The following NSMCE2 variants were observed in gnomAD, a reference collection of about 807,000 sequenced individuals.
NSMCE2 encodes the protein E3 SUMO-protein ligase NSE2.
In NSMCE2, 24 loss-of-function variants were observed where a neutral mutation model predicts 23.8. The ratio of observed to expected loss-of-function variants is 1.01; its 90% confidence interval spans 0.73 to 1.42. The LOEUF is 1.42. Ranked by LOEUF, NSMCE2 falls within the 40% of genes most tolerant of loss-of-function variation. The probability of loss-of-function intolerance (pLI) is 0.00; values close to 1 mark genes in which losing one functional copy is unlikely to be tolerated. For missense variants in NSMCE2, 284 were observed against 296.5 expected (o/e 0.96, Z 0.31); for synonymous variants, 92 against 94.1 (o/e 0.98, Z 0.13).
intron 5 of NSMCE2, among the ~76,000 whole-genome samples, chr8:125,240,783 A>G (rs1019407436): frequency 6.6e-6 from 1 of 152,004 alleles, no homozygotes; most frequent in Non-Finnish European, 1.5e-5. Context: ...CAACAGTAAT[A>G]TTTCTTAAAT....
chr8:125,357,846 G>A (rs955495932), intron 7 of NSMCE2, 28 bp downstream of exon 7: 5 of 1,449,502 alleles, frequency 3.4e-6, no homozygotes, highest in Non-Finnish European at 4.9e-6. Flanking sequence ...AGGAAGTGGA[G>A]CCTTCCCTAG....
chr8:125,163,815 AAC>A (rs1821742286), intron 4 of NSMCE2, among the ~76,000 whole-genome samples: 1 of 152,228 alleles, frequency 6.6e-6, no homozygotes, highest in East Asian at 1.9e-4. Flanking sequence ...CAAATTCTGG[AAC>A]ACAGTTTCCC....
rs1230532975 is a variant in NSMCE2 at position 125,217,390 on chromosome 8, T to C, written c.418+35134T>C. Among the ~76,000 whole-genome samples, 3 of 152,208 alleles carry C rather than the reference T, an allele frequency of 2.0e-5. No homozygotes were observed. The East Asian group carries it at 5.8e-4, about 29-fold the overall frequency. ...TATTTATTTATTTTGAGATGGAGTC[T>C]TGCTGTGTCACCCAGGCTGAAGTGC... On this transcript the variant is annotated intron_variant, in intron 5 of 7. Transcript: ENST00000287437.
Position 125,094,974 on chromosome 8 carries a change from C to T in NSMCE2, c.-111+3016C>T, listed in dbSNP as rs866987024. On this transcript the variant is annotated intron_variant, in intron 1 of 7. Coordinates refer to ENST00000287437, the MANE Select transcript of NSMCE2 (RefSeq NM_173685.4). ...CTCAAGCGATCCTACCACATCTCCT[C>T]CTGAGGAGCTGGGGCTGCAGGCCCG... 7.9e-5 allele frequency among the ~76,000 whole-genome samples: 12 copies of T among 152,310 alleles called. No individual in the cohort carries two copies. In the South Asian group the frequency reaches 1.4e-3, roughly 18 times the overall value.
At chr8:125,219,479 T>A (rs1292927372) in intron 5 of NSMCE2, among the ~76,000 whole-genome samples, 2 of 152,246 alleles carry the variant, frequency 1.3e-5, no homozygotes, top group African/African-American at 4.8e-5. Flanking sequence ...CTGCTGCTGC[T>A]ATACTGCCTA....
chr8:125,239,116 C>T (rs1825666300), intron 5 of NSMCE2, among the ~76,000 whole-genome samples: 1 of 152,098 alleles, frequency 6.6e-6, no homozygotes, highest in African/African-American at 2.4e-5. Flanking sequence ...TCCCATTTGG[C>T]AAGGTTGGTT....
chr8:125,164,934 AT>A (rs1353104489), intron 4 of NSMCE2, among the ~76,000 whole-genome samples: 2 of 152,156 alleles, frequency 1.3e-5, no homozygotes, highest in Admixed American at 6.5e-5. Flanking sequence ...TAGCCTACAG[AT>A]TTGTTCATGA....
intron 3 of NSMCE2, among the ~76,000 whole-genome samples, chr8:125,150,422 C>CTTTCTTTTTTTTT (rs1820934580): frequency 1.1e-5 from 1 of 93,920 alleles, no homozygotes; most frequent in Non-Finnish European, 2.2e-5. Flanking sequence ...TCTTTTCTTT[C>CTTTCTTTTTTTTT]TTTCTTTTTT....
At chr8:125,323,652 A>G (rs1829538107) in intron 5 of NSMCE2, among the ~76,000 whole-genome samples, 1 of 152,260 alleles carries the variant, frequency 6.6e-6, no homozygotes, top group Admixed American at 6.5e-5. Context: ...ACTTTGAACC[A>G]TATCTCACAC....
intron 4 of NSMCE2, among the ~76,000 whole-genome samples, chr8:125,180,464 G>A (rs1212870513): frequency 6.6e-6 from 1 of 152,196 alleles, no homozygotes; most frequent in Non-Finnish European, 1.5e-5. Flanking sequence ...TAATCAAAAT[G>A]CATAGCAATT....
intron 5 of NSMCE2, among the ~76,000 whole-genome samples, chr8:125,293,952 G>A (rs1290497994): frequency 2.6e-5 from 4 of 152,128 alleles, no homozygotes; most frequent in Non-Finnish European, 5.9e-5. Context: ...TCCTGTATCT[G>A]TTAGCATTTA....
At chr8:125,197,823 G>T (rs1051180666) in intron 5 of NSMCE2, among the ~76,000 whole-genome samples, 7 of 152,194 alleles carry the variant, frequency 4.6e-5, no homozygotes, top group Admixed American at 4.6e-4. Flanking sequence ...CTATCCATGA[G>T]TATGAAATGT....
intron 4 of NSMCE2, among the ~76,000 whole-genome samples, chr8:125,174,890 T>G (rs937964788): frequency 1.3e-5 from 2 of 152,126 alleles, no homozygotes; most frequent in African/African-American, 4.8e-5. Flanking sequence ...TACAGATAAT[T>G]TGGTCCAATA....
intron 5 of NSMCE2, among the ~76,000 whole-genome samples, chr8:125,215,376 A>C (rs970844322): frequency 9.9e-5 from 15 of 151,326 alleles, no homozygotes; most frequent in African/African-American, 2.9e-4. Context: ...TGAACTCATC[A>C]TTTTTTATGG....
At chr8:125,152,916 G>T (rs1294031159) in intron 4 of NSMCE2, among the ~76,000 whole-genome samples, 1 of 151,846 alleles carries the variant, frequency 6.6e-6, no homozygotes, top group Non-Finnish European at 1.5e-5. Context: ...AATTAGCCAG[G>T]TGTAGTGGCA....
intron 5 of NSMCE2, among the ~76,000 whole-genome samples, chr8:125,303,699 G>A (rs977790447): frequency 2.0e-5 from 3 of 152,138 alleles, no homozygotes; most frequent in African/African-American, 7.2e-5. Context: ...CAAAAATGGA[G>A]AGTAAAACAG....
chr8:125,253,838 T>A (rs935218253), intron 5 of NSMCE2, among the ~76,000 whole-genome samples: 4 of 152,206 alleles, frequency 2.6e-5, no homozygotes, highest in Non-Finnish European at 5.9e-5. Context: ...GTTTATTCCT[T>A]TGGGGAAAAT....
At chr8:125,316,015 C>T (rs1035239975) in intron 5 of NSMCE2, among the ~76,000 whole-genome samples, 12 of 152,188 alleles carry the variant, frequency 7.9e-5, no homozygotes, top group Admixed American at 3.3e-4. Flanking sequence ...CTGTGTTGCC[C>T]GGGCTGGTCT....
chr8:125,268,233 CA>C (rs2051093204), intron 5 of NSMCE2, among the ~76,000 whole-genome samples: 1 of 149,732 alleles, frequency 6.7e-6, no homozygotes, highest in East Asian at 2.0e-4. Context: ...GATGCTGTCT[CA>C]AGGAAGAAAA....
Sources: gnomAD v4.1 joint callset for allele counts (sites outside exome capture counted in the v4.1 genomes callset) on GRCh38, gnomAD v4.1.1 for gene constraint, MANE v1.5 for transcripts, NCBI Gene and HGNC (gene_info 2026-07-23, HGNC 2026-07-21) for gene names.